Variants in CYFIP1 observed in about 807,000 individuals in gnomAD.
CYFIP1 encodes the protein cytoplasmic FMR1-interacting protein 1.
CYFIP1 carries 58 observed loss-of-function variants against 163.5 expected under a neutral mutation model. That is an observed-to-expected ratio of 0.35 (90% confidence interval 0.29 to 0.44). The LOEUF (loss-of-function observed/expected upper bound fraction) is 0.44. Ranked by LOEUF, CYFIP1 falls within the 20% of genes least tolerant of loss-of-function variation. The pLI, the probability that CYFIP1 is intolerant of heterozygous loss-of-function variation, is 1.00. For missense variants in CYFIP1, 1,338 were observed against 1,653.8 expected, an observed-to-expected ratio of 0.81 and a Z score of 3.31; for synonymous variants, 663 against 660.7, an observed-to-expected ratio of 1.00 and a Z score of -0.05.
intron 6 of CYFIP1, among the ~76,000 whole-genome samples, chr15:22,940,453 G>A (rs150608333): frequency 6.6e-6 from 1 of 152,270 alleles, no homozygotes; most frequent in Non-Finnish European, 1.5e-5. Context: ...AGGAAGCATG[G>A]AGCCCATCTT....
rs1225155447 is a variant in CYFIP1 at position 22,867,708 on chromosome 15, A to AAAG, written c.*2317_*2319dup. 11 of 152,440 alleles carry AAAG rather than the reference A, an allele frequency of 7.2e-5. No homozygotes were observed. The South Asian group carries it at 8.3e-4, about 12-fold the overall frequency. 9.4% of individuals were successfully genotyped at this position (152,440 alleles called of 1,614,324 possible). On this transcript the variant is annotated 3_prime_UTR_variant, in exon 31 of 31. Transcript: ENST00000617928. The stretch of plus-strand genomic sequence containing the variant: ...TTAAATTTAGCTCATGTTATAATAA[A>AAAG]AAGTTGAAATGAAGTTCTTATTCTA...
rs1469861706 is a variant in CYFIP1 at position 22,937,121 on chromosome 15, T to C, written c.883A>G (p.Ile295Val). 6.2e-7 allele frequency: 1 copy of C among 1,608,182 alleles called. No individual in the cohort carries two copies. The highest frequency in any genetic ancestry group is 1.1e-5 in the South Asian group (1 of 90,950). Reference sequence around the variant, plus strand: ...TAACTCACCTTGAAGTACTTGTCGATTTTGGATAAGTTTATTCTTTTCTTG... The same window carrying C: ...TAACTCACCTTGAAGTACTTGTCGACTTTGGATAAGTTTATTCTTTTCTTG... ...DAKKRINLSKIDKYFKQLQVV... is the reference protein window; with the variant it reads ...DAKKRINLSKVDKYFKQLQVV... The change falls in exon 9 of 31, where the codon ATC becomes GTC. Residue 295 changes from isoleucine to valine, a missense_variant. By Grantham distance (29) the Ile-to-Val change is conservative. Coordinates refer to ENST00000617928, the MANE Select transcript of CYFIP1 (RefSeq NM_014608.6).
chr15:22,976,071 G>A (rs2063264958), intron 1 of CYFIP1, among the ~76,000 whole-genome samples: 2 of 152,000 alleles, frequency 1.3e-5, no homozygotes, highest in Non-Finnish European at 2.9e-5. Flanking sequence ...CTCATCTTCA[G>A]CATACAGATC....
At chr15:22,882,044 C>A in intron 24 of CYFIP1, 108 bp from the exon 25 acceptor site, 2 of 897,606 alleles carry the variant, frequency 2.2e-6, no homozygotes, top group Non-Finnish European at 3.5e-6. Flanking sequence ...GCTCGGTAAC[C>A]AGCAAGGCTG....
At chr15:22,954,650 T>A (rs2062382437) in intron 1 of CYFIP1, among the ~76,000 whole-genome samples, 1 of 152,192 alleles carries the variant, frequency 6.6e-6, no homozygotes, top group Non-Finnish European at 1.5e-5. Context: ...AAGAGATGTT[T>A]TTTCCTTCCC....
Position 22,946,181 on chromosome 15 carries a change from G to A in CYFIP1, c.207+822C>T, listed in dbSNP as rs1361151804. Among the ~76,000 whole-genome samples, 5 of 152,054 alleles carry A rather than the reference G, an allele frequency of 3.3e-5. No individual in the cohort carries two copies. In the East Asian group the frequency reaches 7.7e-4, roughly 24 times the overall value. On this transcript the variant is annotated intron_variant, in intron 3 of 30. Transcript: ENST00000617928. ...TAGATGGGCATGGTGGTGTGTGCCT[G>A]TAGTCCCAGCTACTCAGGAGGCAGA...
Position 22,917,165 on chromosome 15 carries a change from G to C in CYFIP1, c.1675-535C>G. On this transcript the variant is annotated intron_variant, in intron 15 of 30. Transcript: ENST00000617928. This position sits in a 1 kb window ranked among gnomAD's most constrained non-coding sequence, Gnocchi z 4.2. ...TGGCACCACGCACAGGCCGAGGGCC[G>C]TCCCCCTGACCCTCCTGCAGAGCCA... 7.0e-7 allele frequency: 1 copy of C among 1,434,218 alleles called. No homozygotes were observed. Among genetic ancestry groups the C allele is most frequent in the South Asian group, 1.5e-5 (1 of 65,664 alleles). 88.8% of individuals were successfully genotyped at this position (1,434,218 alleles called of 1,614,324 possible).
chr15:22,946,913 A>C lies in CYFIP1; in HGVS notation c.207+90T>G, dbSNP rs573381536. On this transcript the variant is annotated intron_variant, in intron 3 of 30. Transcript: ENST00000617928. ...TTTCTTCTCTTTTTCCTCACTGCAT[A>C]GTCTATTGGGATAATACCAAAAAGT... 1.5e-4 allele frequency: 157 copies of C among 1,063,682 alleles called. 1 individual carries two copies. The highest frequency in any genetic ancestry group is 1.1e-3 in the Admixed American group (66 of 58,254). 65.9% of individuals were successfully genotyped at this position (1,063,682 alleles called of 1,614,324 possible).
chr15:22,895,577 T>C (rs748247971), intron 22 of CYFIP1, among the ~76,000 whole-genome samples: 5 of 152,194 alleles, frequency 3.3e-5, no homozygotes, highest in African/African-American at 7.2e-5. Flanking sequence ...TACACCCTCA[T>C]TTCTGAGTGA....
At chr15:22,929,654 G>T (rs1275851179) in intron 11 of CYFIP1, among the ~76,000 whole-genome samples, 3 of 78,560 alleles carry the variant, frequency 3.8e-5, no homozygotes, top group South Asian at 4.7e-4. Flanking sequence ...AAAAAAAAAA[G>T]GCCAGGCACG....
rs2060990998 is a variant in CYFIP1 at position 22,916,595 on chromosome 15, A to G, written c.1710T>C (p.Ile570=). Residue 570 remains isoleucine, a synonymous_variant, in exon 16 of 31, where the codon ATT becomes ATC. Coordinates refer to ENST00000617928, the MANE Select transcript of CYFIP1 (RefSeq NM_014608.6). ...TTTTCTTGGAACCACTTTTGTCTGC[A>G]ATGAGGGACTCTAGCATGGTTCTCA... ...YMVRTMLESL[I]ADKSGSKKTL... 1.2e-6 allele frequency: 2 copies of G among 1,613,984 alleles called. No individual in the cohort carries two copies. The highest frequency in any genetic ancestry group is 2.7e-5 in the African/African-American group (2 of 74,916).
chr15:22,902,701 G>A (rs2060435930), intron 22 of CYFIP1, among the ~76,000 whole-genome samples: 1 of 152,316 alleles, frequency 6.6e-6, no homozygotes, highest in African/African-American at 2.4e-5. Context: ...GAAAAGCCAA[G>A]CCAGGTGCTG....
At chr15:22,924,639 T>C (rs8036575) in intron 13 of CYFIP1, among the ~76,000 whole-genome samples, 114,551 of 151,858 alleles carry the variant, frequency 0.75, 43,920 homozygotes, top group African/African-American at 0.87. Context: ...CTAAATTTGA[T>C]TGTGACTGTA....
intron 8 of CYFIP1, among the ~76,000 whole-genome samples, chr15:22,938,113 G>A (rs898608079): frequency 1.3e-5 from 2 of 152,222 alleles, no homozygotes; most frequent in African/African-American, 4.8e-5. Context: ...CCACCCTGCA[G>A]AGGTGGAGAA....
At chr15:22,939,686 G>A (rs1458571251) in intron 6 of CYFIP1, among the ~76,000 whole-genome samples, 179 bp from the exon 7 acceptor site, 1 of 151,576 alleles carries the variant, frequency 6.6e-6, no homozygotes, top group African/African-American at 2.4e-5. Flanking sequence ...CTCTGGCCCT[G>A]CACTCCAGGT....
At chr15:22,915,767 A>G (rs1251638302) in intron 16 of CYFIP1, among the ~76,000 whole-genome samples, 1 of 152,112 alleles carries the variant, frequency 6.6e-6, no homozygotes, top group East Asian at 1.9e-4. Context: ...ACAAAACAAA[A>G]AAACAGGACT....
intron 1 of CYFIP1, among the ~76,000 whole-genome samples, chr15:22,978,667 C>T (rs1431100546): frequency 6.6e-6 from 1 of 152,084 alleles, no homozygotes; most frequent in Non-Finnish European, 1.5e-5. Flanking sequence ...TAATTTTTCT[C>T]ATCACTTTAT....
intron 11 of CYFIP1, among the ~76,000 whole-genome samples, chr15:22,931,684 CTGAAAA>C (rs1221707544): frequency 4.3e-5 from 1 of 23,286 alleles, no homozygotes; most frequent in African/African-American, 2.8e-4. Flanking sequence ...TAATGTTTTT[CTGAAAA>C]AAAAAAAAAA....
At chr15:22,908,518 CTTTTTTTTTTTT>C (rs58565266) in intron 21 of CYFIP1, among the ~76,000 whole-genome samples, 7 of 75,482 alleles carry the variant, frequency 9.3e-5, no homozygotes, top group Admixed American at 3.5e-4. Flanking sequence ...GAAGATATTT[CTTTTTTTTTTTT>C]TTTTTTTTTT....
Sources: allele counts gnomAD v4.1 joint callset (sites outside exome capture counted in the v4.1 genomes callset), GRCh38; gene constraint gnomAD v4.1.1; non-coding constraint Gnocchi (gnomAD v3.1); transcripts MANE v1.5; gene names NCBI Gene and HGNC (gene_info 2026-07-23, HGNC 2026-07-21).